The following ATL2 variants were observed in gnomAD, a reference collection of about 807,000 sequenced individuals.
ATL2 encodes atlastin-2.
A neutral mutation model predicts 73.9 loss-of-function variants in ATL2; 31 were observed. The ratio of observed to expected loss-of-function variants is 0.42; its 90% CI spans 0.32 to 0.57. ATL2 has a LOEUF of 0.57. ATL2 is among the 20% of genes least tolerant of loss of function. ATL2 has a pLI of 0.14. For missense variants in ATL2, 738 were observed against 702.6 expected, an observed-to-expected ratio of 1.05 and a Z score of -0.57; for synonymous variants, 291 against 237.5, an observed-to-expected ratio of 1.23 and a Z score of -2.07.
At chr2:38,343,099 G>A (rs560864205) in intron 2 of ATL2, among the ~76,000 whole-genome samples, 169 bp downstream of exon 2, 2 of 132,500 alleles carry the variant, frequency 1.5e-5, no homozygotes, top group Non-Finnish European at 3.1e-5. Flanking sequence ...AGTGAGCCGT[G>A]ATCACACCAC....
At chr2:38,361,771 ACTTAC>A (rs1671029537) in intron 1 of ATL2, among the ~76,000 whole-genome samples, 1 of 152,214 alleles carries the variant, frequency 6.6e-6, no homozygotes, top group Non-Finnish European at 1.5e-5. Flanking sequence ...AGGCAAGAAA[ACTTAC>A]CTTTACTGAA....
At chr2:38,349,488 A>G (rs1028628550) in intron 1 of ATL2, among the ~76,000 whole-genome samples, 1 of 129,338 alleles carries the variant, frequency 7.7e-6, no homozygotes, top group African/African-American at 2.9e-5. Context: ...ACACACGGAC[A>G]CAGGAAGGGG....
intron 9 of ATL2, among the ~76,000 whole-genome samples, chr2:38,306,518 T>C (rs1667455851): frequency 6.6e-6 from 1 of 152,088 alleles, no homozygotes; most frequent in Admixed American, 6.5e-5. Flanking sequence ...CAACAACACA[T>C]TAAAAAGATC....
intron 1 of ATL2, among the ~76,000 whole-genome samples, chr2:38,343,945 G>C (rs1210500469): frequency 6.6e-6 from 1 of 152,012 alleles, no homozygotes; most frequent in African/African-American, 2.4e-5. Flanking sequence ...CGCCATGATT[G>C]TGAGACCTCC....
chr2:38,303,136 T>A, intron 9 of ATL2, among the ~76,000 whole-genome samples: 1 of 152,140 alleles, frequency 6.6e-6, no homozygotes, highest in East Asian at 1.9e-4. Context: ...GAAATAATTA[T>A]AAAGAATAAA....
chr2:38,312,723 A>AAAAAAG (rs572171542), intron 7 of ATL2, among the ~76,000 whole-genome samples: 155 of 149,382 alleles, frequency 1.0e-3, no homozygotes, highest in African/African-American at 3.6e-3. Context: ...AAAAAAAAAA[A>AAAAAAG]AAGAAGGTGC....
chr2:38,296,469 G>C (rs777072430), intron 12 of ATL2: 32 of 1,598,858 alleles, frequency 2.0e-5, no homozygotes, highest in Non-Finnish European at 2.6e-5. Flanking sequence ...AGAGAAAAAG[G>C]TTAAAAATAC....
chr2:38,359,178 G>T (rs1452404485), intron 1 of ATL2, among the ~76,000 whole-genome samples: 1 of 152,160 alleles, frequency 6.6e-6, no homozygotes, highest in Non-Finnish European at 1.5e-5. Flanking sequence ...TTTTAAAAAT[G>T]CTTTAAAGAG....
chr2:38,376,444 A>G (rs370918612), intron 1 of ATL2: 15 of 314,016 alleles, frequency 4.8e-5, no homozygotes, highest in Non-Finnish European at 8.0e-5. Flanking sequence ...AGTGACTCGT[A>G]AACGGCTCAT....
chr2:38,360,081 G>C (rs916935692), intron 1 of ATL2, among the ~76,000 whole-genome samples: 12 of 140,638 alleles, frequency 8.5e-5, no homozygotes, highest in African/African-American at 3.2e-4. Context: ...AGTGAGATGA[G>C]ATCGTCGTCC....
intron 9 of ATL2, among the ~76,000 whole-genome samples, chr2:38,308,270 AT>A (rs1558392391): frequency 6.6e-6 from 1 of 152,250 alleles, no homozygotes; most frequent in Non-Finnish European, 1.5e-5. Flanking sequence ...CTACTCATCC[AT>A]ATAAAAGAAT....
intron 2 of ATL2, among the ~76,000 whole-genome samples, chr2:38,327,459 T>C (rs1668728083): frequency 3.4e-5 from 4 of 118,480 alleles, no homozygotes; most frequent in Admixed American, 1.1e-4. Flanking sequence ...ATTAAGAGAG[T>C]ACAGAAAACG....
chr2:38,325,699 TAC>T (rs1221635411), intron 2 of ATL2, among the ~76,000 whole-genome samples: 340 of 11,296 alleles, frequency 0.03, 15 homozygotes, highest in Admixed American at 0.056. Context: ...CACACACCAG[TAC>T]ACACACACAC....
At chr2:38,357,180 T>G (rs749937778) in intron 1 of ATL2, among the ~76,000 whole-genome samples, 63 of 151,752 alleles carry the variant, frequency 4.2e-4, no homozygotes, top group Non-Finnish European at 6.9e-4. Context: ...ATACAAAAAT[T>G]AGCTGGGCAT....
rs1666745967 is a variant in ATL2, at chr2:38,293,960, T to C, written c.*2034A>G. 6.6e-6 allele frequency among the ~76,000 whole-genome samples: 1 copy of C among 152,242 alleles called. No homozygotes were observed. Among genetic ancestry groups the C allele is most frequent in the Non-Finnish European group, 1.5e-5 (1 of 68,042 alleles). ...GCCAATGGTCTAGATTTTATAACTT[T>C]TTAAAAGTAAGCTGTCTTTAATTTC... On this transcript the variant is annotated 3_prime_UTR_variant, in exon 13 of 13. Coordinates refer to ENST00000378954, the MANE Select transcript of ATL2 (RefSeq NM_001135673.4).
Position 38,313,133 on chromosome 2 carries a change from T to C in ATL2, c.804+18A>G. On this transcript the variant is annotated intron_variant, in intron 7 of 12. Transcript: ENST00000378954. ...AGCTTGGTGCTTATGTTCTCCTCTT[T>C]AAGCATTAGGGTCTTACCTGTAATC... is the stretch of plus-strand genomic sequence containing the variant. The C allele has an allele frequency of 6.3e-7, 1 of 1,581,920 alleles. No homozygotes were observed. Among genetic ancestry groups the C allele is most frequent in the Non-Finnish European group, 8.7e-7 (1 of 1,155,298 alleles).
Position 38,295,942 on chromosome 2 carries a change from G to T in ATL2, c.*52C>A. The T allele has an allele frequency of 2.1e-6, 3 of 1,412,372 alleles. No homozygotes were observed. Among genetic ancestry groups the T allele is most frequent in the Non-Finnish European group, 2.9e-6 (3 of 1,031,014 alleles). The allele number at this position is 1,412,372 out of a possible 1,614,324, so 87.5% of individuals were successfully genotyped here. On this transcript the variant is annotated 3_prime_UTR_variant, in exon 13 of 13. Coordinates refer to ENST00000378954, the MANE Select transcript of ATL2 (RefSeq NM_001135673.4). ...GTTTATTTTTATTTGAGTTCTCATT[G>T]TACAGCAAGCATGAAAAAAAAAGAG...
At position 38,314,492 on chromosome 2, in the gene ATL2, A is replaced by C. The variant is rs1390448098; in HGVS notation, c.711+116T>G. 9.1e-6 allele frequency: 6 copies of C among 659,836 alleles called. No individual in the cohort carries two copies. In the African/African-American group the frequency reaches 9.1e-5, roughly 10 times the overall value. The allele number at this position is 659,836 out of a possible 1,614,324, so 40.9% of individuals were successfully genotyped here. On this transcript the variant is annotated intron_variant, in intron 6 of 12. Transcript: ENST00000378954. The stretch of plus-strand genomic sequence containing the variant: ...CAAAGGTTAGTTTCGATTGCACTGA[A>C]TCTGTTGCTAGCAATGAGTCTATTG...
At chr2:38,323,085 T>C (rs780682729) in intron 2 of ATL2, among the ~76,000 whole-genome samples, 9 of 152,170 alleles carry the variant, frequency 5.9e-5, no homozygotes, top group Non-Finnish European at 1.3e-4. Flanking sequence ...AGAATAAACA[T>C]TCCTGCCCAC....
Sources: gnomAD v4.1 joint callset for allele counts (sites outside exome capture counted in the v4.1 genomes callset) on GRCh38, gnomAD v4.1.1 for gene constraint, MANE v1.5 for transcripts, NCBI Gene and HGNC (gene_info 2026-07-23, HGNC 2026-07-21) for gene names.